The following PCBP3 variants were observed in gnomAD, a reference collection of about 807,000 sequenced individuals.
PCBP3 encodes the protein poly(rC) binding protein 3.
PCBP3 carries 25 observed loss-of-function variants against 52.7 expected under a neutral mutation model. The ratio of observed to expected loss-of-function variants is 0.47; its 90% CI spans 0.35 to 0.66. PCBP3 has a LOEUF of 0.66. PCBP3 is among the 30% of genes least tolerant of loss of function. The pLI is 0.01. For missense variants in PCBP3, 391 were observed against 490.3 expected (o/e 0.80, Z 1.91); for synonymous variants, 162 against 183.0 (o/e 0.89, Z 0.93).
At position 45,802,201 on chromosome 21, in the gene PCBP3, G is replaced by A. The variant is rs1485900257; in HGVS notation, c.-126+46749G>A. 6.6e-6 allele frequency among the ~76,000 whole-genome samples: 1 copy of A among 152,220 alleles called. No homozygotes were observed. Among genetic ancestry groups the A allele is most frequent in the Non-Finnish European group, 1.5e-5 (1 of 68,046 alleles). ...TTCTCCTGGTAGCGGCTCTGCAGCT[G>A]GGCGCTGTTTCTGCCCTGTCATGCA... On this transcript the variant is annotated intron_variant, in intron 4 of 17. Coordinates refer to ENST00000681687, the MANE Select transcript of PCBP3 (RefSeq NM_001384156.1). The surrounding 1 kb of genome is among the most constrained non-coding windows in gnomAD (Gnocchi z 5.1).
chr21:45,899,858 C>T (rs2095977553), intron 7 of PCBP3, among the ~76,000 whole-genome samples: 1 of 152,292 alleles, frequency 6.6e-6, no homozygotes, highest in Non-Finnish European at 1.5e-5. Flanking sequence ...CTGGTCACCT[C>T]GCTGCCCCCT....
intron 2 of PCBP3, among the ~76,000 whole-genome samples, chr21:45,709,983 T>C (rs888489977): frequency 2.0e-5 from 3 of 152,136 alleles, no homozygotes; most frequent in Non-Finnish European, 4.4e-5. Flanking sequence ...TGATTAGTTA[T>C]GGGTTTTGGG....
intron 5 of PCBP3, among the ~76,000 whole-genome samples, chr21:45,865,114 T>G (rs570249531): frequency 6.6e-6 from 1 of 152,350 alleles, no homozygotes; most frequent in African/African-American, 2.4e-5. Flanking sequence ...TTTTTCATAT[T>G]TATGATTATA....
At chr21:45,819,661 T>A (rs2093069991) in intron 4 of PCBP3, among the ~76,000 whole-genome samples, 1 of 151,642 alleles carries the variant, frequency 6.6e-6, no homozygotes, top group Admixed American at 6.6e-5. Flanking sequence ...CCAGGTGCTA[T>A]CTTGGCTGAG....
rs2094984681 is a variant in PCBP3 at position 45,871,051 on chromosome 21, G to A, written c.10+20956G>A. The stretch of plus-strand genomic sequence containing the variant: ...GGAAGGCCATGCAGCCCAGTGCCCG[G>A]GAGAGACAGGAACCCCCTACAGGAA... On this transcript the variant is annotated intron_variant, in intron 5 of 17. Transcript: ENST00000681687. 3 of 178,308 alleles carry A rather than the reference G, an allele frequency of 1.7e-5. No individual in the cohort carries two copies. In the South Asian group the frequency reaches 3.0e-4, roughly 18 times the overall value. The allele number at this position is 178,308 out of a possible 1,614,324, so 11.0% of individuals were successfully genotyped here.
rs779686119 is a variant in PCBP3 at position 45,930,003 on chromosome 21, C to T, written c.796+8C>T. ...CCAACCCCGCTTTCCCCGGTACGTA[C>T]CCAGCCCTTTTCTCACCTCCTTCTC... is the stretch of plus-strand genomic sequence containing the variant. On this transcript the variant is annotated splice_region_variant and intron_variant, in intron 14 of 17. Transcript: ENST00000681687. The T allele has an allele frequency of 3.7e-6, 6 of 1,604,872 alleles. No individual in the cohort carries two copies. Among genetic ancestry groups the T allele is most frequent in the Non-Finnish European group, 5.1e-6 (6 of 1,171,786 alleles).
chr21:45,894,372 A>T (rs1377336338), intron 5 of PCBP3, among the ~76,000 whole-genome samples: 1 of 151,914 alleles, frequency 6.6e-6, no homozygotes, highest in Admixed American at 6.6e-5. Flanking sequence ...GAGAGTTTTT[A>T]ATTAAAAGGG....
Position 45,853,751 on chromosome 21 carries a change from G to A in PCBP3, c.10+3656G>A, listed in dbSNP as rs1019477194. On this transcript the variant is annotated intron_variant, in intron 5 of 17. Transcript: ENST00000681687. The surrounding 1 kb of genome is among the most constrained non-coding windows in gnomAD (Gnocchi z 4.6). The stretch of plus-strand genomic sequence containing the variant: ...CCATTCTGCCTGTGTGAGTACAGAC[G>A]CGTGCATAGGAAATTAAATACACAC... 3.3e-5 allele frequency among the ~76,000 whole-genome samples: 5 copies of A among 152,204 alleles called. No individual in the cohort carries two copies. Among genetic ancestry groups the A allele is most frequent in the Admixed American group, 6.5e-5 (1 of 15,284 alleles).
At chr21:45,698,431 T>C (rs747722420) in intron 2 of PCBP3, among the ~76,000 whole-genome samples, 1 of 152,262 alleles carries the variant, frequency 6.6e-6, no homozygotes, top group Non-Finnish European at 1.5e-5. Context: ...TTTCAATAAA[T>C]AATTTGTTGG....
At chr21:45,808,546 C>T (rs1468441492) in intron 4 of PCBP3, among the ~76,000 whole-genome samples, 1 of 152,106 alleles carries the variant, frequency 6.6e-6, no homozygotes, top group Non-Finnish European at 1.5e-5. Flanking sequence ...ACAGCAGATG[C>T]TAGAGGGGAT....
At chr21:45,765,085 T>C (rs2089172797) in intron 4 of PCBP3, among the ~76,000 whole-genome samples, 1 of 152,148 alleles carries the variant, frequency 6.6e-6, no homozygotes, top group South Asian at 2.1e-4. Flanking sequence ...GCAGAGGGCA[T>C]GGGTGTGCCT....
chr21:45,748,929 G>T (rs2087159333), intron 3 of PCBP3, among the ~76,000 whole-genome samples: 2 of 152,170 alleles, frequency 1.3e-5, no homozygotes, highest in African/African-American at 4.8e-5. Flanking sequence ...TTTTCCATCT[G>T]TGAGACTGGG....
chr21:45,925,569 T>A (rs2075290401), intron 13 of PCBP3, among the ~76,000 whole-genome samples: 1 of 152,102 alleles, frequency 6.6e-6, no homozygotes, highest in Non-Finnish European at 1.5e-5. Context: ...CAAAAAATAA[T>A]TTTTTTGTTT....
chr21:45,906,458 G>T (rs1046959428), intron 9 of PCBP3, among the ~76,000 whole-genome samples: 1 of 152,116 alleles, frequency 6.6e-6, no homozygotes, highest in South Asian at 2.1e-4. Context: ...GGTCGGGAAG[G>T]CCTTGGACAG....
chr21:45,644,316 C>T (rs1466127044), intron 1 of PCBP3, among the ~76,000 whole-genome samples: 1 of 151,722 alleles, frequency 6.6e-6, no homozygotes, highest in Admixed American at 6.6e-5. Context: ...GCCTCCTCCC[C>T]CTGGACGGCC....
intron 4 of PCBP3, among the ~76,000 whole-genome samples, 184 bp from the exon 5 acceptor site, chr21:45,849,777 A>G (rs1039100196): frequency 3.3e-5 from 5 of 151,856 alleles, no homozygotes; most frequent in African/African-American, 1.2e-4. Context: ...TGTTGGGGGG[A>G]AGAGCCCCAG....
At chr21:45,654,822 A>G (rs1054408844) in intron 1 of PCBP3, among the ~76,000 whole-genome samples, 11 of 152,172 alleles carry the variant, frequency 7.2e-5, no homozygotes, top group African/African-American at 2.7e-4. Flanking sequence ...ACATAATTCC[A>G]GAACATTTTC....
chr21:45,749,186 C>A (rs1415705992), intron 3 of PCBP3, among the ~76,000 whole-genome samples: 2 of 152,110 alleles, frequency 1.3e-5, no homozygotes, highest in African/African-American at 4.8e-5. Context: ...GGAGCAGAAT[C>A]CAGCCCATAG....
intron 2 of PCBP3, among the ~76,000 whole-genome samples, chr21:45,689,526 G>T (rs539230616): frequency 7.2e-5 from 11 of 151,996 alleles, no homozygotes; most frequent in Non-Finnish European, 1.3e-4. Context: ...AAAGAACAAG[G>T]CAAGAAGATC....
Sources: gnomAD v4.1 joint callset for allele counts (sites outside exome capture counted in the v4.1 genomes callset) on GRCh38, gnomAD v4.1.1 for gene constraint, Gnocchi (gnomAD v3.1) non-coding constraint, MANE v1.5 for transcripts, NCBI Gene and HGNC (gene_info 2026-07-23, HGNC 2026-07-21) for gene names.